The following MIPEP variants were observed in gnomAD, a reference collection of about 807,000 sequenced individuals.
MIPEP encodes mitochondrial intermediate peptidase.
MIPEP carries 79 observed loss-of-function variants against 90.3 expected under a neutral mutation model. The observed-to-expected ratio is 0.87, with a 90% CI of 0.73 to 1.05. The LOEUF (loss-of-function observed/expected upper bound fraction) is 1.05. MIPEP is among the 50% of genes least tolerant of loss of function. MIPEP has a pLI of 0.00. For synonymous variants in MIPEP, 334 were observed against 315.8 expected, an observed-to-expected ratio of 1.06 and a Z score of -0.61; for missense variants, 940 against 905.6, an observed-to-expected ratio of 1.04 and a Z score of -0.49.
chr13:23,879,464 A>C, intron 3 of MIPEP, 110 bp from the exon 4 acceptor site: 1 of 638,398 alleles, frequency 1.6e-6, no homozygotes, highest in Admixed American at 2.6e-5. Flanking sequence ...CAGAAGCTGA[A>C]CAGCATAACC....
intron 10 of MIPEP, among the ~76,000 whole-genome samples, chr13:23,847,464 T>TGAA (rs1869595373): frequency 7.3e-6 from 1 of 137,684 alleles, no homozygotes; most frequent in Admixed American, 7.3e-5. Context: ...AAATCCAAGC[T>TGAA]AAAAAAAAAA....
rs868147932 is a variant in MIPEP at position 23,831,384 on chromosome 13, G to C, written c.1653+4856C>G. On this transcript the variant is annotated intron_variant, in intron 14 of 18. Transcript: ENST00000382172. Reference sequence around the variant, plus strand: ...GGGGACAGCCTAGCTTCCCCATGGCGGGGGGGGGATGTGGATGGGAATTGC... The same window carrying C: ...GGGGACAGCCTAGCTTCCCCATGGCCGGGGGGGGATGTGGATGGGAATTGC... Among the ~76,000 whole-genome samples the C allele has an allele frequency of 7.7e-4, 20 of 25,994 alleles. 2 individuals carry two copies. In the East Asian group the frequency reaches 0.011, roughly 14 times the overall value. The allele number at this position is 25,994 out of a possible 152,430, so 17.1% of individuals were successfully genotyped here.
chr13:23,852,476 G>A (rs1224953510), intron 10 of MIPEP, among the ~76,000 whole-genome samples: 1 of 152,126 alleles, frequency 6.6e-6, no homozygotes, highest in Non-Finnish European at 1.5e-5. Flanking sequence ...TACAGTGGGT[G>A]GTCCCTTGAG....
chr13:23,848,085 C>T (rs1869626453), intron 10 of MIPEP, among the ~76,000 whole-genome samples: 1 of 152,152 alleles, frequency 6.6e-6, no homozygotes, highest in Non-Finnish European at 1.5e-5. Context: ...CTCATTGGTT[C>T]CATGCTTTGA....
At position 23,837,454 on chromosome 13, in the gene MIPEP, A is replaced by G. The variant is rs1375676450; in HGVS notation, c.1543+98T>C. On this transcript the variant is annotated intron_variant, in intron 13 of 18. Coordinates refer to ENST00000382172, the MANE Select transcript of MIPEP (RefSeq NM_005932.4). Reference sequence around the variant, plus strand: ...GATAAAGACCACAGGACACGGTAAAATGATCACATTTTCCAAATAAAAAGC... The same window carrying G: ...GATAAAGACCACAGGACACGGTAAAGTGATCACATTTTCCAAATAAAAAGC... 3.2e-6 allele frequency: 3 copies of G among 951,428 alleles called. No homozygotes were observed. In the African/African-American group the frequency reaches 4.9e-5, roughly 15 times the overall value. The allele number at this position is 951,428 out of a possible 1,614,324, so 58.9% of individuals were successfully genotyped here.
Position 23,837,683 on chromosome 13 carries a change from A to G in MIPEP, c.1412T>C (p.Met471Thr), listed in dbSNP as rs772585786. The G allele has an allele frequency of 3.1e-6, 5 of 1,614,208 alleles. 1 individual carries two copies. Among genetic ancestry groups the G allele is most frequent in the South Asian group, 1.1e-5 (1 of 91,082 alleles). ...CCTTGAGGAACGGGGAAGATTCAGCATAAGAACTACAACTGGGAGTTGATA... is the reference window on the plus strand; with the variant it reads ...CCTTGAGGAACGGGGAAGATTCAGCGTAAGAACTACAACTGGGAGTTGATA... ...GDYQLPVVVL[M>T]LNLPRSSRSS... Residue 471 changes from methionine (M) to threonine (T), a missense_variant, in exon 13 of 19, where the codon ATG becomes ACG. Met to Thr is a moderately conservative substitution (Grantham distance 81, BLOSUM62 -1). Transcript: ENST00000382172.
At chr13:23,865,143 T>C (rs187680830) in intron 7 of MIPEP, among the ~76,000 whole-genome samples, 9 of 152,328 alleles carry the variant, frequency 5.9e-5, no homozygotes, top group African/African-American at 2.2e-4. Context: ...ATTATCACCG[T>C]TTCCCACAAG....
intron 10 of MIPEP, among the ~76,000 whole-genome samples, chr13:23,854,307 T>C (rs924013732): frequency 2.6e-5 from 4 of 151,930 alleles, no homozygotes; most frequent in Non-Finnish European, 5.9e-5. Flanking sequence ...TTTGTTCTTT[T>C]TCTTTTGACT....
At chr13:23,878,439 C>T (rs1043489886) in intron 4 of MIPEP, among the ~76,000 whole-genome samples, 4 of 152,098 alleles carry the variant, frequency 2.6e-5, no homozygotes, top group Admixed American at 2.0e-4. Context: ...TAGAAAATGG[C>T]TTCATTTGGG....
intron 16 of MIPEP, among the ~76,000 whole-genome samples, chr13:23,804,299 T>C (rs1165746956): frequency 6.6e-6 from 1 of 152,208 alleles, no homozygotes; most frequent in Non-Finnish European, 1.5e-5. Flanking sequence ...GTTCTCCTAA[T>C]GTTAGTCTTC....
intron 16 of MIPEP, among the ~76,000 whole-genome samples, chr13:23,767,414 T>A (rs1952602312): frequency 6.6e-6 from 1 of 152,142 alleles, no homozygotes; most frequent in Admixed American, 6.5e-5. Context: ...AGATATACCT[T>A]GTGTCTTTGT....
chr13:23,787,954 G>A (rs915155827), intron 16 of MIPEP, among the ~76,000 whole-genome samples: 10 of 152,154 alleles, frequency 6.6e-5, no homozygotes, highest in Non-Finnish European at 1.0e-4. Flanking sequence ...TCATTTCCAT[G>A]AGCGTGGCCT....
At chr13:23,759,184 G>T (rs909331392) in intron 17 of MIPEP, among the ~76,000 whole-genome samples, 2 of 152,114 alleles carry the variant, frequency 1.3e-5, no homozygotes, top group Non-Finnish European at 2.9e-5. Flanking sequence ...ACTTGACAAC[G>T]TCTTGGTTCC....
At chr13:23,859,310 TA>T (rs1355805466) in intron 9 of MIPEP, among the ~76,000 whole-genome samples, 1 of 152,208 alleles carries the variant, frequency 6.6e-6, no homozygotes, top group Non-Finnish European at 1.5e-5. Flanking sequence ...AGGTTCTTTC[TA>T]AATCTAAGCA....
At chr13:23,750,980 A>G (rs1169712272) in intron 18 of MIPEP, among the ~76,000 whole-genome samples, 1 of 152,246 alleles carries the variant, frequency 6.6e-6, no homozygotes, top group East Asian at 1.9e-4. Context: ...CTTCATGCTC[A>G]TCTTCTGTCT....
chr13:23,855,693 T>C (rs1023520057), intron 10 of MIPEP, among the ~76,000 whole-genome samples: 1 of 152,248 alleles, frequency 6.6e-6, no homozygotes, highest in African/African-American at 2.4e-5. Context: ...CAGTAGCCTA[T>C]TAAGCTACTT....
chr13:23,785,310 T>TA (rs1403077219), intron 16 of MIPEP, among the ~76,000 whole-genome samples: 3 of 151,990 alleles, frequency 2.0e-5, no homozygotes, highest in African/African-American at 4.8e-5. Flanking sequence ...TATGCAGCCA[T>TA]AAAAAATGAT....
chr13:23,825,282 A>G (rs900776522), intron 14 of MIPEP, among the ~76,000 whole-genome samples: 61 of 152,348 alleles, frequency 4.0e-4, no homozygotes, highest in African/African-American at 1.4e-3. Flanking sequence ...AAATCTGCCA[A>G]AGTTAATCTA....
chr13:23,831,386 G>GGGGGCGGGGGGGGGGC (rs1868748814), intron 14 of MIPEP, among the ~76,000 whole-genome samples: 2 of 69,416 alleles, frequency 2.9e-5, no homozygotes, highest in African/African-American at 1.0e-4. Flanking sequence ...CCCATGGCGG[G>GGGGGCGGGGGGGGGGC]GGGGGGATGT....
Sources: allele counts gnomAD v4.1 joint callset (sites outside exome capture counted in the v4.1 genomes callset), GRCh38; gene constraint gnomAD v4.1.1; transcripts MANE v1.5; gene names NCBI Gene and HGNC (gene_info 2026-07-23, HGNC 2026-07-21).